The following CDH17 variants were observed in gnomAD, a reference collection of about 807,000 sequenced individuals.
The protein encoded by CDH17 is cadherin 17, also known as cadherin-17.
A neutral mutation model predicts 86.3 loss-of-function variants in CDH17; 67 were observed. The ratio of observed to expected loss-of-function variants is 0.78; its 90% CI spans 0.64 to 0.95. The LOEUF is 0.95. Among genes scored for constraint, CDH17 ranks in the 40% least tolerant of loss-of-function variants. CDH17 has a pLI of 0.00. For synonymous variants in CDH17, 367 were observed against 366.4 expected, an observed-to-expected ratio of 1.00 and a Z score of -0.02; for missense variants, 993 against 1,017.6, an observed-to-expected ratio of 0.98 and a Z score of 0.33.
intron 11 of CDH17, among the ~76,000 whole-genome samples, chr8:94,161,145 A>G (rs1166912376): frequency 6.6e-6 from 1 of 152,210 alleles, no homozygotes; most frequent in Non-Finnish European, 1.5e-5. Context: ...CCTCAATCTA[A>G]AAAACACTGT....
intron 10 of CDH17, among the ~76,000 whole-genome samples, chr8:94,164,063 T>C (rs1813109272): frequency 6.6e-6 from 1 of 152,256 alleles, no homozygotes; most frequent in Admixed American, 6.5e-5. Flanking sequence ...ATATTTTCTA[T>C]AGACGTACTC....
intron 7 of CDH17, among the ~76,000 whole-genome samples, chr8:94,172,841 C>A (rs1158217175): frequency 6.6e-6 from 1 of 152,044 alleles, no homozygotes; most frequent in African/African-American, 2.4e-5. Context: ...AGCATCTGAA[C>A]GGAGGGGAGA....
intron 11 of CDH17, 78 bp from the exon 12 acceptor site, chr8:94,160,240 T>C: frequency 9.0e-7 from 1 of 1,113,556 alleles, no homozygotes; most frequent in East Asian, 2.4e-5. Context: ...TCTCTCTGGT[T>C]TCAGAATAGA....
intron 2 of CDH17, among the ~76,000 whole-genome samples, chr8:94,193,560 A>G (rs1428351862): frequency 6.6e-6 from 1 of 152,192 alleles, no homozygotes; most frequent in Admixed American, 6.5e-5. Context: ...CCAAATTCTT[A>G]TCACTGGTAG....
chr8:94,200,173 C>T (rs1813876913), intron 1 of CDH17, among the ~76,000 whole-genome samples: 1 of 152,154 alleles, frequency 6.6e-6, no homozygotes, highest in Non-Finnish European at 1.5e-5. Context: ...TCAAACAGGT[C>T]CCACCTACAC....
In CDH17 at chr8:94,152,129, G is replaced by A; in HGVS notation, c.1552-17C>T. On this transcript the variant is annotated splice_polypyrimidine_tract_variant and intron_variant, in intron 12 of 17. Transcript: ENST00000027335. ...ATCAAGAGGCTGTGTAGGAGAAAGA[G>A]AGAAAATTAATTTTGGGGTGATTAG... is the stretch of plus-strand genomic sequence containing the variant. The A allele has an allele frequency of 1.9e-6, 3 of 1,611,440 alleles. No individual in the cohort carries two copies. The highest frequency in any genetic ancestry group is 2.5e-6 in the Non-Finnish European group (3 of 1,178,416).
At chr8:94,209,378 T>A (rs1193639932), upstream of CDH17, among the ~76,000 whole-genome samples, 2 of 152,190 alleles carry the variant, frequency 1.3e-5, no homozygotes, top group Admixed American at 1.3e-4. Flanking sequence ...CTTGGCCCTG[T>A]TTCTGTGGAC....
rs77094207 is a variant in CDH17, at chr8:94,144,903, A to G, written c.2167+1025T>C. ...GATGGATGGCAAATTGCATATGAAA[A>G]GATGCTCAACACCGCTAGTCATTAG... On this transcript the variant is annotated intron_variant, in intron 15 of 17. Transcript: ENST00000027335. Among the ~76,000 whole-genome samples the G allele has an allele frequency of 7.8e-3, 1,190 of 152,322 alleles. 5 individuals are homozygous for G. Among genetic ancestry groups the G allele is most frequent in the Middle Eastern group, 0.027 (8 of 294 alleles).
intron 12 of CDH17, among the ~76,000 whole-genome samples, chr8:94,155,262 G>C (rs1812925545): frequency 6.6e-6 from 1 of 151,926 alleles, no homozygotes; most frequent in Admixed American, 6.6e-5. Context: ...CCCTGAAGTA[G>C]AGGTGGGGAG....
At chr8:94,213,267 T>TG (rs1468163525), upstream of CDH17, among the ~76,000 whole-genome samples, 2 of 152,214 alleles carry the variant, frequency 1.3e-5, no homozygotes, top group Non-Finnish European at 2.9e-5. Flanking sequence ...CCACCATGCC[T>TG]GGCTGGCACT....
intron 5 of CDH17, among the ~76,000 whole-genome samples, chr8:94,176,305 G>A (rs1813369874): frequency 1.3e-5 from 2 of 152,174 alleles, no homozygotes; most frequent in Non-Finnish European, 2.9e-5. Context: ...ACAAGGCACA[G>A]AATAGCCTCT....
intron 3 of CDH17, among the ~76,000 whole-genome samples, chr8:94,180,923 A>G (rs921439334): frequency 6.0e-5 from 9 of 150,354 alleles, no homozygotes; most frequent in African/African-American, 2.2e-4. Context: ...AAAAACAAGC[A>G]AACAAACAAA....
At chr8:94,129,108 A>G (rs1812358808) in intron 17 of CDH17, among the ~76,000 whole-genome samples, 1 of 152,236 alleles carries the variant, frequency 6.6e-6, no homozygotes, top group Admixed American at 6.5e-5. Context: ...GTAAAATCCT[A>G]TTACTTCTAT....
At chr8:94,130,267 AG>A (rs1178416111) in intron 17 of CDH17, among the ~76,000 whole-genome samples, 1 of 152,180 alleles carries the variant, frequency 6.6e-6, no homozygotes, top group African/African-American at 2.4e-5. Flanking sequence ...ACTCTGGTGT[AG>A]GATCTGTGTA....
At chr8:94,137,181 CAG>C (rs1308610578) in intron 15 of CDH17, among the ~76,000 whole-genome samples, 1 of 152,226 alleles carries the variant, frequency 6.6e-6, no homozygotes, top group Non-Finnish European at 1.5e-5. Context: ...CCAGAGCTGT[CAG>C]ACAGGGATGT....
At chr8:94,133,732 T>C (rs1812465427) in intron 15 of CDH17, among the ~76,000 whole-genome samples, 1 of 152,242 alleles carries the variant, frequency 6.6e-6, no homozygotes, top group Admixed American at 6.5e-5. Context: ...CCTTGTCTTC[T>C]GCCGGTTTTC....
At chr8:94,196,584 T>C (rs1244254157) in intron 1 of CDH17, among the ~76,000 whole-genome samples, 2 of 152,188 alleles carry the variant, frequency 1.3e-5, no homozygotes, top group Non-Finnish European at 2.9e-5. Context: ...TCATTGCCTG[T>C]AATCCCAGCT....
intron 15 of CDH17, among the ~76,000 whole-genome samples, chr8:94,140,462 AAATTTATAGC>A (rs1812616149): frequency 6.6e-6 from 1 of 152,162 alleles, no homozygotes; most frequent in African/African-American, 2.4e-5. Flanking sequence ...CACCTAAGAT[AAATTTATAGC>A]TCTAAATGCC....
At chr8:94,214,985 T>A (rs1026007367) in intron 1 of CDH17, among the ~76,000 whole-genome samples, 2 of 152,226 alleles carry the variant, frequency 1.3e-5, no homozygotes, top group Non-Finnish European at 2.9e-5. Flanking sequence ...AAAAAAGAGA[T>A]AATACCCAGT....
Sources: gnomAD v4.1 joint callset for allele counts (sites outside exome capture counted in the v4.1 genomes callset) on GRCh38, gnomAD v4.1.1 for gene constraint, MANE v1.5 for transcripts, NCBI Gene and HGNC (gene_info 2026-07-23, HGNC 2026-07-21) for gene names.